The following TDRD9 variants were observed in gnomAD, a reference collection of about 807,000 sequenced individuals.
The protein encoded by TDRD9 is tudor domain containing 9.
TDRD9 carries 124 observed loss-of-function variants against 172.6 expected under a neutral mutation model. The observed-to-expected ratio is 0.72, with a 90% CI of 0.62 to 0.83. The LOEUF (loss-of-function observed/expected upper bound fraction) is 0.83, where lower values mean the gene tolerates loss of function less well. TDRD9 is among the 40% of genes least tolerant of loss of function. The pLI, the probability that TDRD9 is intolerant of heterozygous loss-of-function variation, is 0.00. For synonymous variants in TDRD9, 619 were observed against 617.1 expected (o/e 1.00, Z -0.05); for missense variants, 1,479 against 1,714.1 (o/e 0.86, Z 2.42).
At chr14:104,039,050 C>T (rs2035534446) in intron 32 of TDRD9, among the ~76,000 whole-genome samples, 1 of 152,180 alleles carries the variant, frequency 6.6e-6, no homozygotes, top group Non-Finnish European at 1.5e-5. Flanking sequence ...AATTGACTCA[C>T]AGTTCTGCAC....
At chr14:104,017,444 C>G (rs2034827521) in intron 22 of TDRD9, among the ~76,000 whole-genome samples, 1 of 152,182 alleles carries the variant, frequency 6.6e-6, no homozygotes, top group Non-Finnish European at 1.5e-5. Context: ...CTGTAACTTG[C>G]CTAAGGAGAC....
intron 15 of TDRD9, among the ~76,000 whole-genome samples, chr14:104,005,899 A>G (rs911411012): frequency 6.6e-6 from 1 of 152,172 alleles, no homozygotes; most frequent in Non-Finnish European, 1.5e-5. Context: ...TGCAGCCTCA[A>G]ACACTGGGCT....
chr14:103,962,962 T>G (rs1411349998), intron 2 of TDRD9, 117 bp from the exon 3 acceptor site: 1 of 383,378 alleles, frequency 2.6e-6, no homozygotes, highest in Non-Finnish European at 4.2e-6. Flanking sequence ...ATTTTTGTAT[T>G]TGAGTGTGTG....
chr14:103,998,755 A>G, intron 13 of TDRD9, 27 bp downstream of exon 13: 1 of 1,207,340 alleles, frequency 8.3e-7, no homozygotes, highest in Non-Finnish European at 1.2e-6. Flanking sequence ...AAAGCACAAT[A>G]ATGAGTCATT....
chr14:104,025,729 C>T lies in TDRD9; in HGVS notation c.2884C>T (p.Arg962Cys), dbSNP rs746266160. The change falls in exon 26 of 36, where the codon CGC becomes TGC. Residue 962 changes from arginine (R) to cysteine (C), a missense_variant. Physicochemically the swap from Arg to Cys is radical, Grantham distance 180. This residue lies in a region of TDRD9 where 1,413 missense variants were observed against 1,649.1 expected (regional missense o/e 0.86). Transcript: ENST00000409874. ...ACCTTTTGCTGATTTTGATAAACAACGCTACTTTAGAGCTCAAGTCCTTTA... is the reference window on the plus strand; with the variant it reads ...ACCTTTTGCTGATTTTGATAAACAATGCTACTTTAGAGCTCAAGTCCTTTA... Reference protein sequence around the residue: ...LAPFADFDKQRYFRAQVLYVS... With the variant: ...LAPFADFDKQCYFRAQVLYVS... 3.3e-5 allele frequency: 54 copies of T among 1,613,884 alleles called. No homozygotes were observed. Among genetic ancestry groups the T allele is most frequent in the South Asian group, 2.7e-4 (25 of 91,084 alleles).
intron 19 of TDRD9, 114 bp downstream of exon 19, chr14:104,007,318 C>T (rs2034472826): frequency 9.2e-6 from 9 of 978,050 alleles, no homozygotes; most frequent in South Asian, 4.7e-5. Flanking sequence ...CGGCTGGAGT[C>T]GAGGTCACTG....
In TDRD9 at chr14:103,955,665, T is replaced by C. The variant is rs1433696205; in HGVS notation, c.217T>C (p.Ser73Pro). ...PARPAAAFER[S>P]LSQRSSEVEY... Reference sequence around the variant, plus strand: ...ACTAACTTTTACTATTCTTTTCAGGTCACTCAGCCAAAGGAGCTCAGAAGT... The same window carrying C: ...ACTAACTTTTACTATTCTTTTCAGGCCACTCAGCCAAAGGAGCTCAGAAGT... Residue 73 changes from serine (S) to proline (P), a missense_variant and splice_region_variant, in exon 2 of 36, where the codon TCA (serine) becomes CCA (proline). Physicochemically the swap from Ser to Pro is moderately conservative, Grantham distance 74 (BLOSUM62 -1). Transcript: ENST00000409874. 1 of 1,550,032 alleles carries C rather than the reference T, an allele frequency of 6.5e-7. No homozygotes were observed. Among genetic ancestry groups the C allele is most frequent in the Admixed American group, 2.0e-5 (1 of 50,792 alleles).
At chr14:103,998,464 A>G (rs541506638) in intron 12 of TDRD9, among the ~76,000 whole-genome samples, 160 bp from the exon 13 acceptor site, 2 of 152,206 alleles carry the variant, frequency 1.3e-5, no homozygotes, top group African/African-American at 4.8e-5. Context: ...GCAACTCCCC[A>G]TCCTGGGCGG....
intron 2 of TDRD9, among the ~76,000 whole-genome samples, chr14:103,957,759 G>A (rs866702323): frequency 2.6e-5 from 4 of 152,250 alleles, no homozygotes; most frequent in Admixed American, 2.0e-4. Context: ...TCACACTCAC[G>A]TACTGGCCCA....
At chr14:103,998,917 C>T (rs1431773945) in intron 13 of TDRD9, among the ~76,000 whole-genome samples, 189 bp downstream of exon 13, 4 of 152,028 alleles carry the variant, frequency 2.6e-5, no homozygotes, top group East Asian at 1.9e-4. Context: ...CTCAGCCTCC[C>T]GAGTTGCTGG....
At chr14:104,049,535 C>G in intron 34 of TDRD9, 73 bp from the exon 35 acceptor site, 1 of 1,259,656 alleles carries the variant, frequency 7.9e-7, no homozygotes. Flanking sequence ...GGATTTAAAT[C>G]TTTAAAAAAA....
chr14:103,932,688 G>T (rs2030477938), intron 1 of TDRD9, among the ~76,000 whole-genome samples: 1 of 152,092 alleles, frequency 6.6e-6, no homozygotes, highest in Non-Finnish European at 1.5e-5. Flanking sequence ...CGCCCGGCCG[G>T]GAGGGATGGC....
At chr14:103,986,424 G>T (rs2033663716) in intron 8 of TDRD9, 104 bp downstream of exon 8, 1 of 818,416 alleles carries the variant, frequency 1.2e-6, no homozygotes, top group African/African-American at 1.7e-5. Context: ...ATAACTATAG[G>T]TACTTTTTTA....
chr14:103,994,722 A>T, intron 11 of TDRD9, 119 bp downstream of exon 11: 1 of 745,344 alleles, frequency 1.3e-6, no homozygotes, highest in Admixed American at 2.6e-5. Context: ...GCACTGTGAG[A>T]GGCTGAGGTG....
At chr14:104,032,205 C>G (rs1211464046) in intron 30 of TDRD9, 118 bp downstream of exon 30, 5 of 639,846 alleles carry the variant, frequency 7.8e-6, no homozygotes, top group Non-Finnish European at 1.0e-5. Context: ...CTTTTCTTTT[C>G]TTTTCTTTTC....
rs146734192 is a variant in TDRD9, at chr14:103,950,780, C to T, written c.216-4884C>T. On this transcript the variant is annotated intron_variant, in intron 1 of 35. Transcript: ENST00000409874. ...GGAGTCATTAATGTTAAAACCCTGACGAACAGAGCCAGGGAAGGCCATGAA... is the reference window on the plus strand; with the variant it reads ...GGAGTCATTAATGTTAAAACCCTGATGAACAGAGCCAGGGAAGGCCATGAA... 3.6e-3 allele frequency among the ~76,000 whole-genome samples: 553 copies of T among 152,204 alleles called. 2 individuals are homozygous for T. Among genetic ancestry groups the T allele is most frequent in the Non-Finnish European group, 5.9e-3 (400 of 68,008 alleles).
At chr14:103,938,432 ATATATATAT>A (rs1340605406) in intron 1 of TDRD9, among the ~76,000 whole-genome samples, 5 of 37,198 alleles carry the variant, frequency 1.3e-4, no homozygotes, top group Admixed American at 7.3e-4. Flanking sequence ...ATATATATAT[ATATATATAT>A]TTTTTTTTTT....
In TDRD9 at chr14:104,034,959, G is replaced by T; in HGVS notation, c.3620-1G>T. The T allele has an allele frequency of 6.4e-7, 1 of 1,551,002 alleles. No individual in the cohort carries two copies. The highest frequency in any genetic ancestry group is 8.7e-7 in the Non-Finnish European group (1 of 1,146,456). On this transcript the variant is annotated splice_acceptor_variant, in intron 31 of 35. Transcript: ENST00000409874. LOFTEE classifies it high-confidence loss of function. Reference sequence around the variant, plus strand: ...ATGTTGATTTAGCATGACTTGAACAGGATCTACGATGCTGCTGAGAGAAAC... The same window carrying T: ...ATGTTGATTTAGCATGACTTGAACATGATCTACGATGCTGCTGAGAGAAAC...
intron 23 of TDRD9, among the ~76,000 whole-genome samples, chr14:104,020,975 A>G (rs1052781542): frequency 2.0e-5 from 3 of 152,032 alleles, no homozygotes; most frequent in South Asian, 2.1e-4. Flanking sequence ...GCATTTATCA[A>G]TATTACTTGG....
Sources: allele counts gnomAD v4.1 joint callset (sites outside exome capture counted in the v4.1 genomes callset), GRCh38; gene constraint gnomAD v4.1.1; regional missense constraint gnomAD v4.1.1; transcripts MANE v1.5; gene names NCBI Gene and HGNC (gene_info 2026-07-23, HGNC 2026-07-21).